Variants in DLG2 observed in about 807,000 individuals in gnomAD.
DLG2 encodes disks large homolog 2.
A neutral mutation model predicts 132.5 loss-of-function variants in DLG2; 45 were observed. That is an observed-to-expected ratio of 0.34 (90% CI 0.27 to 0.44). DLG2 has a LOEUF of 0.44. Ranked by LOEUF, DLG2 falls within the 20% of genes least tolerant of loss-of-function variation. DLG2 has a pLI of 1.00. For synonymous variants in DLG2, 424 were observed against 419.6 expected (o/e 1.01, Z -0.13); for missense variants, 1,045 against 1,196.9 (o/e 0.87, Z 1.87).
chr11:84,618,707 T>C (rs2099608776), intron 6 of DLG2, among the ~76,000 whole-genome samples: 2 of 152,002 alleles, frequency 1.3e-5, no homozygotes, highest in African/African-American at 2.4e-5. Flanking sequence ...GTCTCCATAT[T>C]GACCCTGAAA....
In DLG2 at chr11:84,471,713, T is replaced by C. The variant is rs571087133; in HGVS notation, c.519+62857A>G. ...TCTGCTGATGACTTTGTTTTGGAAA[T>C]TGGTTTCTTTTTGTTCTGGTCTGTC... On this transcript the variant is annotated intron_variant, in intron 7 of 27. Coordinates refer to ENST00000376104, the MANE Select transcript of DLG2 (RefSeq NM_001142699.3). Among the ~76,000 whole-genome samples the C allele has an allele frequency of 2.6e-5, 4 of 151,780 alleles. No homozygotes were observed. The East Asian group carries it at 7.9e-4, about 30-fold the overall frequency.
At chr11:84,340,677 T>C (rs1195112083) in intron 7 of DLG2, among the ~76,000 whole-genome samples, 1 of 152,170 alleles carries the variant, frequency 6.6e-6, no homozygotes. Context: ...ATCTCCTGAC[T>C]CTAATGTCGG....
At chr11:83,545,506 G>A (rs184304578) in intron 19 of DLG2, among the ~76,000 whole-genome samples, 2 of 152,124 alleles carry the variant, frequency 1.3e-5, no homozygotes, top group African/African-American at 2.4e-5. Context: ...GTAGTGTGCC[G>A]GACCCAAAGT....
Position 84,734,315 on chromosome 11 carries a change from G to C in DLG2, c.358-199584C>G, listed in dbSNP as rs182478081. ...TGTTTGTATCCTCTTTTATTTTGTT[G>C]AGCAGTGGTTTGCAGTTCTCCTTGA... On this transcript the variant is annotated intron_variant, in intron 6 of 27. Transcript: ENST00000376104. Among the ~76,000 whole-genome samples the C allele has an allele frequency of 8.0e-3, 1,213 of 152,020 alleles. 9 individuals carry two copies. Among genetic ancestry groups the C allele is most frequent in the Non-Finnish European group, 0.014 (982 of 67,982 alleles).
chr11:84,381,078 G>A (rs1028735736), intron 7 of DLG2, among the ~76,000 whole-genome samples: 1 of 151,760 alleles, frequency 6.6e-6, no homozygotes, highest in Admixed American at 6.6e-5. Flanking sequence ...AATTTGAAAC[G>A]ATAATAAGAT....
intron 4 of DLG2, among the ~76,000 whole-genome samples, chr11:85,260,784 G>A (rs2076898208): frequency 6.6e-6 from 1 of 152,110 alleles, no homozygotes; most frequent in African/African-American, 2.4e-5. Flanking sequence ...AGTACAACAT[G>A]TGACCAGTGC....
At chr11:84,122,894 A>C (rs2093995935) in intron 9 of DLG2, among the ~76,000 whole-genome samples, 1 of 152,130 alleles carries the variant, frequency 6.6e-6, no homozygotes, top group Non-Finnish European at 1.5e-5. Context: ...TATTCTACCT[A>C]AGAAGAGGGG....
intron 6 of DLG2, among the ~76,000 whole-genome samples, chr11:84,646,754 T>G (rs1047986832): frequency 2.0e-5 from 3 of 152,014 alleles, no homozygotes; most frequent in Non-Finnish European, 4.4e-5. Context: ...TATAGTCAGT[T>G]CCTGCTGAAT....
intron 3 of DLG2, among the ~76,000 whole-genome samples, chr11:85,540,219 T>C (rs2075871084): frequency 6.6e-6 from 1 of 152,112 alleles, no homozygotes. Flanking sequence ...CACTCTTGTT[T>C]CCGTACCCAA....
intron 7 of DLG2, among the ~76,000 whole-genome samples, chr11:84,307,844 A>C (rs1244641259): frequency 6.6e-6 from 1 of 151,768 alleles, no homozygotes; most frequent in Non-Finnish European, 1.5e-5. Context: ...TCGCTGACTC[A>C]GGAGTGAAGC....
At chr11:83,790,295 GT>G in intron 17 of DLG2, 1 of 930,604 alleles carries the variant, frequency 1.1e-6, no homozygotes, top group African/African-American at 1.7e-5. Context: ...AGTGTGAACT[GT>G]TTTACCATGG....
chr11:85,044,104 C>A (rs2062100404), intron 6 of DLG2, among the ~76,000 whole-genome samples: 1 of 151,944 alleles, frequency 6.6e-6, no homozygotes, highest in South Asian at 2.1e-4. Flanking sequence ...TACTTTGCCC[C>A]ATTCATCTTG....
chr11:83,734,893 A>G (rs1361144221), intron 18 of DLG2, among the ~76,000 whole-genome samples: 2 of 151,722 alleles, frequency 1.3e-5, no homozygotes, highest in Non-Finnish European at 2.9e-5. Context: ...ATATATATAC[A>G]CATATGTATA....
Position 84,488,569 on chromosome 11 carries a change from G to A in DLG2, c.519+46001C>T, listed in dbSNP as rs555101647. Among the ~76,000 whole-genome samples, 284 of 152,158 alleles carry A rather than the reference G, an allele frequency of 1.9e-3. 1 individual carries two copies. The highest frequency in any genetic ancestry group is 3.6e-3 in the Non-Finnish European group (243 of 68,004). On this transcript the variant is annotated intron_variant, in intron 7 of 27. Transcript: ENST00000376104. ...CTATTTAAACTGCTCTCTTATGTGT[G>A]ACCAGCACCCTGCATTTTCCATAGT...
intron 11 of DLG2, among the ~76,000 whole-genome samples, chr11:84,051,434 C>A (rs556584391): frequency 6.6e-6 from 1 of 151,958 alleles, no homozygotes; most frequent in East Asian, 1.9e-4. Flanking sequence ...CCATGGAATA[C>A]TATGCAGCCA....
chr11:84,192,987 TA>T (rs1016173619), intron 8 of DLG2, among the ~76,000 whole-genome samples: 7 of 151,968 alleles, frequency 4.6e-5, no homozygotes, highest in Admixed American at 4.6e-4. Flanking sequence ...GCTTTAAAAT[TA>T]AAAAAAATTA....
intron 7 of DLG2, among the ~76,000 whole-genome samples, chr11:84,297,129 T>G (rs12789399): frequency 0.7 from 86,050 of 122,960 alleles, 26,842 homozygotes; most frequent in African/African-American, 0.82. Flanking sequence ...TCAAAGAATT[T>G]GAAAAAAAAA....
At chr11:85,321,834 A>G (rs989919413) in intron 3 of DLG2, among the ~76,000 whole-genome samples, 4 of 152,078 alleles carry the variant, frequency 2.6e-5, no homozygotes, top group Admixed American at 2.0e-4. Flanking sequence ...GTGGTCAGCA[A>G]GAAGAGTAAG....
chr11:84,511,408 G>A (rs372842226), intron 7 of DLG2, among the ~76,000 whole-genome samples: 1 of 152,046 alleles, frequency 6.6e-6, no homozygotes, highest in African/African-American at 2.4e-5. Context: ...ACCACAAATT[G>A]AATGAATATC....
Sources: allele counts gnomAD v4.1 joint callset (sites outside exome capture counted in the v4.1 genomes callset), GRCh38; gene constraint gnomAD v4.1.1; transcripts MANE v1.5; gene names NCBI Gene and HGNC (gene_info 2026-07-23, HGNC 2026-07-21).